CFAP92: variants seen among roughly 807,000 people sequenced by gnomAD.
CFAP92 encodes cilia and flagella associated protein 92 (putative).
A neutral mutation model predicts 106.3 loss-of-function variants in CFAP92; 86 were observed. That is an observed-to-expected ratio of 0.81 (90% confidence interval 0.68 to 0.97). CFAP92 has a LOEUF of 0.97. CFAP92 is among the 50% of genes least tolerant of loss of function. The probability of loss-of-function intolerance (pLI) is 0.00; values close to 1 mark genes in which losing one functional copy is unlikely to be tolerated. For synonymous variants in CFAP92, 477 were observed against 506.4 expected (o/e 0.94, Z 0.78); for missense variants, 1,204 against 1,283.8 (o/e 0.94, Z 0.95).
the CFAP92 span, among the ~76,000 whole-genome samples, chr3:129,011,263 G>A: frequency 9.4e-4 from 143 of 152,266 alleles, no homozygotes; most frequent in African/African-American, 3.3e-3. Flanking sequence ...ATATTGGAAC[G>A]TATTGGACAG....
the CFAP92 span, among the ~76,000 whole-genome samples, chr3:129,012,685 G>C: frequency 6.6e-6 from 1 of 152,212 alleles, no homozygotes; most frequent in African/African-American, 2.4e-5. Context: ...TGGGCCAAGA[G>C]TTGGGTGGCC....
At chr3:128,974,590 G>A (rs1481877321) in intron 7 of CFAP92, among the ~76,000 whole-genome samples, 6 of 151,910 alleles carry the variant, frequency 3.9e-5, no homozygotes, top group Admixed American at 3.9e-4. Flanking sequence ...GGAGGCTGAG[G>A]CAGGCAGATC....
rs1273840981 is a variant in CFAP92, at chr3:128,975,855, C to T, written c.945G>A (p.Met315Ile). The T allele has an allele frequency of 6.2e-7, 1 of 1,610,328 alleles. No individual in the cohort carries two copies. Among genetic ancestry groups the T allele is most frequent in the African/African-American group, 1.3e-5 (1 of 74,852 alleles). Residue 315 changes from methionine (M) to isoleucine (I), a missense_variant, in exon 7 of 16, where the codon ATG (methionine) becomes ATA (isoleucine). By Grantham distance (10) the Met-to-Ile change is conservative. Coordinates refer to ENST00000645291, the MANE Select transcript of CFAP92 (RefSeq NM_001394090.1). ...TCTCAATTAATTCCTTGATCTCCATCATGCTTGCTCCTGCCAAAGAAATGG... is the reference window on the plus strand; with the variant it reads ...TCTCAATTAATTCCTTGATCTCCATTATGCTTGCTCCTGCCAAAGAAATGG... ...TPTISLAGAS[M>I]MEIKELIESE... is the part of the protein sequence containing the mutation.
intron 8 of CFAP92, chr3:128,967,186 A>G (rs989731915): frequency 1.3e-5 from 2 of 152,360 alleles, no homozygotes; most frequent in Middle Eastern, 3.4e-3. Context: ...TAGGGCATGT[A>G]AAAGCCAAGT....
intron 8 of CFAP92, 49 bp downstream of exon 8, chr3:128,971,238 G>A: frequency 1.2e-6 from 2 of 1,612,768 alleles, no homozygotes; most frequent in Non-Finnish European, 1.7e-6. Flanking sequence ...TGGCCGTTCT[G>A]GCCACAAGAC....
chr3:128,929,244 T>C lies in CFAP92; in HGVS notation c.2751+3456A>G, dbSNP rs184865680. Among the ~76,000 whole-genome samples, 4 of 152,360 alleles carry C rather than the reference T, an allele frequency of 2.6e-5. No homozygotes were observed. In the East Asian group the frequency reaches 7.7e-4, roughly 29 times the overall value. ...ATCATGAGATACACACTAGAATGGCTATAATCAAAAGGACGGATAAGTGTT... is the reference window on the plus strand; with the variant it reads ...ATCATGAGATACACACTAGAATGGCCATAATCAAAAGGACGGATAAGTGTT... On this transcript the variant is annotated intron_variant, in intron 12 of 15. Transcript: ENST00000645291.
intron 10 of CFAP92, among the ~76,000 whole-genome samples, chr3:128,941,363 G>A (rs992697334): frequency 2.0e-5 from 3 of 149,294 alleles, no homozygotes; most frequent in African/African-American, 7.7e-5. Context: ...ATCAATGTCT[G>A]CAACAACTAT....
chr3:129,020,829 A>G, the CFAP92 span, among the ~76,000 whole-genome samples: 81 of 152,214 alleles, frequency 5.3e-4, no homozygotes, highest in African/African-American at 2.0e-3. Flanking sequence ...GCACTTGCAG[A>G]CGGGAACCCT....
At chr3:128,966,704 G>T (rs1942392215) in intron 8 of CFAP92, 1 of 151,914 alleles carries the variant, frequency 6.6e-6, no homozygotes, top group East Asian at 1.9e-4. Context: ...CCAAGTAGCT[G>T]GGACTACAGG....
At chr3:128,945,032 G>A (rs1168532832) in intron 10 of CFAP92, 39 bp downstream of exon 10, 3 of 1,458,694 alleles carry the variant, frequency 2.1e-6, no homozygotes, top group Non-Finnish European at 2.7e-6. Flanking sequence ...GCATCCAGAT[G>A]CCATCATTTT....
intron 7 of CFAP92, 109 bp downstream of exon 7, chr3:128,975,670 T>C (rs1272479855): frequency 2.0e-6 from 2 of 987,196 alleles, no homozygotes; most frequent in Non-Finnish European, 1.5e-6. Context: ...TTGAGAAACA[T>C]TTTGTCAAAT....
intron 12 of CFAP92, among the ~76,000 whole-genome samples, chr3:128,922,167 G>A (rs898061233): frequency 8.6e-5 from 13 of 151,490 alleles, no homozygotes; most frequent in East Asian, 5.8e-4. Context: ...GTGAAACCCC[G>A]TCTCTACTAA....
chr3:128,910,093 G>T lies in CFAP92; in HGVS notation c.*206C>A. On this transcript the variant is annotated 3_prime_UTR_variant, in exon 16 of 16. Transcript: ENST00000645291. The stretch of plus-strand genomic sequence containing the variant: ...CATCAACCTGTATGGCATGACGGCC[G>T]TGCTGTCGCGGGCCAGCCGCTCCAT... 1 of 1,613,842 alleles carries T rather than the reference G, an allele frequency of 6.2e-7. No homozygotes were observed. Among genetic ancestry groups the T allele is most frequent in the Non-Finnish European group, 8.5e-7 (1 of 1,179,992 alleles).
At chr3:128,983,191 T>G (rs1163006208) in intron 4 of CFAP92, among the ~76,000 whole-genome samples, 1 of 152,190 alleles carries the variant, frequency 6.6e-6, no homozygotes. Flanking sequence ...ATAAGGCCCC[T>G]GTTCTCCTGG....
chr3:128,956,482 A>C (rs1941431400), intron 9 of CFAP92, among the ~76,000 whole-genome samples: 1 of 152,158 alleles, frequency 6.6e-6, no homozygotes, highest in African/African-American at 2.4e-5. Context: ...AACCCCAAAT[A>C]AGATAAACAC....
chr3:128,985,336 T>C (rs1943785282), intron 4 of CFAP92, among the ~76,000 whole-genome samples: 2 of 152,106 alleles, frequency 1.3e-5, no homozygotes, highest in South Asian at 4.1e-4. Flanking sequence ...TGGTGGCACA[T>C]ACCCGTGGTC....
At chr3:128,956,224 AAAAAGAAAAT>A (rs776968951) in intron 9 of CFAP92, among the ~76,000 whole-genome samples, 3,340 of 100,428 alleles carry the variant, frequency 0.033, 122 homozygotes, top group Non-Finnish European at 0.043. Context: ...ATAAAAAAAA[AAAAAGAAAAT>A]AGAAAGAAAA....
chr3:128,937,170 G>A (rs1939107244), intron 10 of CFAP92, among the ~76,000 whole-genome samples: 1 of 151,850 alleles, frequency 6.6e-6, no homozygotes, highest in Non-Finnish European at 1.5e-5. Context: ...GCATGGTGGT[G>A]CACACCTGTA....
intron 12 of CFAP92, among the ~76,000 whole-genome samples, chr3:128,917,947 AGCCTGG>A (rs1420097292): frequency 6.6e-6 from 1 of 152,244 alleles, no homozygotes; most frequent in African/African-American, 2.4e-5. Flanking sequence ...AAAACTTCCA[AGCCTGG>A]GTACACTATT....
Sources: gnomAD v4.1 joint callset for allele counts (sites outside exome capture counted in the v4.1 genomes callset) on GRCh38, gnomAD v4.1.1 for gene constraint, MANE v1.5 for transcripts, NCBI Gene and HGNC (gene_info 2026-07-23, HGNC 2026-07-21) for gene names.